COL25A1: variants seen among roughly 807,000 people sequenced by gnomAD.
COL25A1 encodes collagen type XXV alpha 1 chain.
In COL25A1, 103 loss-of-function variants were observed where a neutral mutation model predicts 128.4. The ratio of observed to expected loss-of-function variants is 0.80; its 90% CI spans 0.68 to 0.94. COL25A1 has a LOEUF of 0.94. Ranked by LOEUF, COL25A1 falls within the 40% of genes least tolerant of loss-of-function variation. The pLI is 0.00. For missense variants in COL25A1, 745 were observed against 840.0 expected (o/e 0.89, Z 1.40); for synonymous variants, 279 against 277.2 (o/e 1.01, Z -0.06).
chr4:109,050,240 G>C, intron 3 of COL25A1, 61 bp from the exon 4 acceptor site: 1 of 1,241,126 alleles, frequency 8.1e-7, no homozygotes, highest in Non-Finnish European at 1.2e-6. Context: ...TTCCAAAATA[G>C]CTAGTAAATA....
chr4:108,818,785 C>T (rs1328396355), intron 36 of COL25A1, among the ~76,000 whole-genome samples: 2 of 151,548 alleles, frequency 1.3e-5, no homozygotes, highest in Non-Finnish European at 2.9e-5. Flanking sequence ...TAACACTTGA[C>T]GACAGAAGCT....
intron 3 of COL25A1, among the ~76,000 whole-genome samples, chr4:109,236,630 T>C (rs981880148): frequency 1.3e-5 from 2 of 152,110 alleles, no homozygotes; most frequent in Admixed American, 1.3e-4. Flanking sequence ...GTCATCCTTA[T>C]CCAAGAAAAC....
At chr4:109,128,698 T>TAA (rs992930902) in intron 3 of COL25A1, among the ~76,000 whole-genome samples, 2 of 152,184 alleles carry the variant, frequency 1.3e-5, no homozygotes, top group South Asian at 2.1e-4. Flanking sequence ...AATGTAAGAC[T>TAA]AAAACAGGGG....
At chr4:109,182,447 A>G (rs1774747938) in intron 3 of COL25A1, among the ~76,000 whole-genome samples, 1 of 152,158 alleles carries the variant, frequency 6.6e-6, no homozygotes, top group Non-Finnish European at 1.5e-5. Flanking sequence ...CAGTATGATT[A>G]TATTGATCCC....
chr4:109,130,621 G>C (rs1205109960), intron 3 of COL25A1, among the ~76,000 whole-genome samples: 2 of 152,122 alleles, frequency 1.3e-5, no homozygotes, highest in Non-Finnish European at 2.9e-5. Context: ...AAATGAGTAT[G>C]TTGGGACCAA....
At chr4:108,910,019 G>C (rs1172837799) in intron 13 of COL25A1, among the ~76,000 whole-genome samples, 1 of 152,128 alleles carries the variant, frequency 6.6e-6, no homozygotes, top group African/African-American at 2.4e-5. Context: ...TACATATCTG[G>C]GGAGGGCCCA....
At chr4:109,199,246 T>A (rs938085659) in intron 3 of COL25A1, among the ~76,000 whole-genome samples, 2 of 152,232 alleles carry the variant, frequency 1.3e-5, no homozygotes, top group Admixed American at 6.5e-5. Flanking sequence ...CAAAATCTAA[T>A]AGATCCCTGT....
At chr4:109,218,367 T>TGTTTGTTTGTTTG (rs1352239817) in intron 3 of COL25A1, among the ~76,000 whole-genome samples, 1 of 128,360 alleles carries the variant, frequency 7.8e-6, no homozygotes, top group African/African-American at 3.2e-5. Flanking sequence ...GTTTTTTTTT[T>TGTTTGTTTGTTTG]TTTTTTTTTT....
chr4:109,113,752 G>A (rs995125872), intron 3 of COL25A1, among the ~76,000 whole-genome samples: 7 of 151,912 alleles, frequency 4.6e-5, no homozygotes, highest in Non-Finnish European at 7.4e-5. Context: ...ACATATTTTC[G>A]TAAGCATTTC....
intron 3 of COL25A1, among the ~76,000 whole-genome samples, chr4:109,184,502 C>T (rs1021676632): frequency 9.2e-5 from 14 of 152,228 alleles, no homozygotes; most frequent in African/African-American, 2.6e-4. Context: ...CTCCTAGTGT[C>T]GGATACACAA....
intron 5 of COL25A1, among the ~76,000 whole-genome samples, chr4:109,036,843 C>T (rs542991700): frequency 1.3e-5 from 2 of 152,306 alleles, no homozygotes; most frequent in South Asian, 4.1e-4. Context: ...TTTCAATTTT[C>T]ACTCTCACCT....
Position 109,059,435 on chromosome 4 carries a change from G to T in COL25A1, c.368-9256C>A, listed in dbSNP as rs2125960867. ...ACACAAAAACACACAACTGCCTGAA[G>T]GAAAATAGGAGATTTAAGTCAACTT... is the stretch of plus-strand genomic sequence containing the variant. On this transcript the variant is annotated intron_variant, in intron 3 of 37. Coordinates refer to ENST00000399132, the MANE Select transcript of COL25A1 (RefSeq NM_198721.4). 1.3e-5 allele frequency among the ~76,000 whole-genome samples: 2 copies of T among 152,224 alleles called. 1 individual carries two copies. Among genetic ancestry groups the T allele is most frequent in the South Asian group, 4.1e-4 (2 of 4,822 alleles).
intron 3 of COL25A1, among the ~76,000 whole-genome samples, chr4:109,092,022 G>A (rs531513292): frequency 4.6e-5 from 7 of 152,300 alleles, no homozygotes; most frequent in Admixed American, 3.3e-4. Flanking sequence ...AAACAGTAAC[G>A]TGATACTGAG....
chr4:109,141,360 T>C (rs1025683390), intron 3 of COL25A1, among the ~76,000 whole-genome samples: 11 of 152,226 alleles, frequency 7.2e-5, no homozygotes, highest in Admixed American at 3.9e-4. Flanking sequence ...GATTTTCACA[T>C]CGATGTTCAT....
chr4:109,010,050 GTTCA>G lies in COL25A1; in HGVS notation c.438+304_438+307del, dbSNP rs779707850. On this transcript the variant is annotated intron_variant, in intron 6 of 37. Transcript: ENST00000399132. Reference sequence around the variant, plus strand: ...ATTAATCAGTACATAATGCAAACCAGTTCATACTCGACTTTTATGTCATGCTGTC... The same window carrying G: ...ATTAATCAGTACATAATGCAAACCAGTACTCGACTTTTATGTCATGCTGTC... Among the ~76,000 whole-genome samples the G allele has an allele frequency of 2.6e-4, 40 of 152,298 alleles. 1 individual carries two copies. Among genetic ancestry groups the G allele is most frequent in the Non-Finnish European group, 4.7e-4 (32 of 68,028 alleles).
intron 3 of COL25A1, among the ~76,000 whole-genome samples, chr4:109,068,887 G>A (rs1762684418): frequency 6.6e-6 from 1 of 152,056 alleles, no homozygotes; most frequent in Non-Finnish European, 1.5e-5. Flanking sequence ...AGAGGAGACA[G>A]GAGACAAGGA....
chr4:108,886,432 C>T (rs1740777732), intron 18 of COL25A1, among the ~76,000 whole-genome samples: 1 of 140,238 alleles, frequency 7.1e-6, no homozygotes, highest in South Asian at 2.4e-4. Flanking sequence ...TCTTAAAGTG[C>T]TATGAGATTT....
chr4:109,269,195 T>C (rs112973649), intron 3 of COL25A1, among the ~76,000 whole-genome samples: 4,689 of 151,622 alleles, frequency 0.031, 211 homozygotes, highest in African/African-American at 0.095. Context: ...TGGTTTTTTG[T>C]TCTTGCGATA....
At chr4:108,928,193 T>C (rs921975243) in intron 11 of COL25A1, among the ~76,000 whole-genome samples, 3 of 152,194 alleles carry the variant, frequency 2.0e-5, no homozygotes, top group Non-Finnish European at 4.4e-5. Context: ...TAAAAAATAT[T>C]TCCATTGAGC....
Sources: allele counts gnomAD v4.1 joint callset (sites outside exome capture counted in the v4.1 genomes callset), GRCh38; gene constraint gnomAD v4.1.1; transcripts MANE v1.5; gene names NCBI Gene and HGNC (gene_info 2026-07-23, HGNC 2026-07-21).